Variants in HS6ST3 observed in about 807,000 individuals in gnomAD.
The protein encoded by HS6ST3 is heparan sulfate 6-O-sulfotransferase 3.
A neutral mutation model predicts 36.7 loss-of-function variants in HS6ST3; 12 were observed. The observed-to-expected ratio is 0.33, with a 90% CI of 0.21 to 0.53. The LOEUF is 0.53. Among genes scored for constraint, HS6ST3 ranks in the 20% least tolerant of loss-of-function variants. HS6ST3 has a pLI of 0.95. For missense variants in HS6ST3, 584 were observed against 640.9 expected, an observed-to-expected ratio of 0.91 and a Z score of 0.96; for synonymous variants, 240 against 257.5, an observed-to-expected ratio of 0.93 and a Z score of 0.65.
intron 1 of HS6ST3, among the ~76,000 whole-genome samples, chr13:96,255,116 A>G (rs572548287): frequency 1.9e-4 from 29 of 152,342 alleles, no homozygotes; most frequent in Non-Finnish European, 3.8e-4. Flanking sequence ...AGTAATTAGT[A>G]TCTGTTACCT....
intron 1 of HS6ST3, among the ~76,000 whole-genome samples, chr13:96,151,235 C>T (rs1228670879): frequency 6.6e-6 from 1 of 152,086 alleles, no homozygotes; most frequent in Non-Finnish European, 1.5e-5. Flanking sequence ...GAAACCCCAT[C>T]CCTACTATAA....
intron 1 of HS6ST3, among the ~76,000 whole-genome samples, chr13:96,095,070 A>G (rs1594674047): frequency 6.6e-6 from 1 of 152,306 alleles, no homozygotes; most frequent in South Asian, 2.1e-4. Flanking sequence ...CACATTTTTC[A>G]TGGGGAATGT....
rs187798595 is a variant in HS6ST3, at chr13:96,704,485, A to G, written c.708-128005A>G. On this transcript the variant is annotated intron_variant, in intron 1 of 1. Coordinates refer to ENST00000376705, the MANE Select transcript of HS6ST3 (RefSeq NM_153456.4). ...TTGTAGATTAATAAATTATGATTTG[A>G]TGAGGAACAAAGATCAGAAATCAAG... is the stretch of plus-strand genomic sequence containing the variant. Among the ~76,000 whole-genome samples the G allele has an allele frequency of 2.2e-4, 34 of 152,364 alleles. No individual in the cohort carries two copies. The East Asian group carries it at 6.4e-3, about 29-fold the overall frequency.
intron 1 of HS6ST3, among the ~76,000 whole-genome samples, chr13:96,402,646 T>C (rs2055457578): frequency 6.6e-6 from 1 of 152,262 alleles, no homozygotes; most frequent in South Asian, 2.1e-4. Context: ...CCTGCTGTAG[T>C]AGAGCTTCAG....
At chr13:96,552,259 CT>C in intron 1 of HS6ST3, among the ~76,000 whole-genome samples, 1 of 152,188 alleles carries the variant, frequency 6.6e-6, no homozygotes, top group African/African-American at 2.4e-5. Context: ...TTCTGAAGCT[CT>C]TTTGTATTTT....
rs537839404 is a variant in HS6ST3 at position 96,317,326 on chromosome 13, T to TTA, written c.707+225798_707+225799dup. On this transcript the variant is annotated intron_variant, in intron 1 of 1. Transcript: ENST00000376705. ...CTTTTTATGGCTGTGTAGTATTCCA[T>TTA]TATATATATATATATATATATATAT... Among the ~76,000 whole-genome samples the TTA allele has an allele frequency of 3.3e-3, 321 of 96,752 alleles. 1 individual carries two copies. The highest frequency in any genetic ancestry group is 4.4e-3 in the Non-Finnish European group (214 of 48,216). The allele number at this position is 96,752 out of a possible 152,430, so 63.5% of individuals were successfully genotyped here. A position where few individuals can be genotyped will look rare whatever the true frequency, so the allele number is the denominator to read the frequency against.
intron 1 of HS6ST3, among the ~76,000 whole-genome samples, chr13:96,568,550 C>A (rs1386942226): frequency 6.6e-6 from 1 of 152,152 alleles, no homozygotes; most frequent in Non-Finnish European, 1.5e-5. Flanking sequence ...AGCCACCACG[C>A]CTGGCCAGCT....
At chr13:96,236,282 G>A (rs977461708) in intron 1 of HS6ST3, among the ~76,000 whole-genome samples, 5 of 152,170 alleles carry the variant, frequency 3.3e-5, no homozygotes, top group African/African-American at 7.2e-5. Flanking sequence ...AGCAACACCC[G>A]CACAGACGCA....
At chr13:96,548,276 G>T (rs141761090) in intron 1 of HS6ST3, among the ~76,000 whole-genome samples, 1 of 152,032 alleles carries the variant, frequency 6.6e-6, no homozygotes, top group African/African-American at 2.4e-5. Context: ...ACATCCAGAC[G>T]CACCTTGCTT....
intron 1 of HS6ST3, among the ~76,000 whole-genome samples, chr13:96,439,812 A>T (rs964912795): frequency 6.6e-6 from 1 of 152,212 alleles, no homozygotes; most frequent in African/African-American, 2.4e-5. Flanking sequence ...AGAATAGAAG[A>T]TTGTGAATAG....
At chr13:96,338,139 G>T (rs796605352) in intron 1 of HS6ST3, among the ~76,000 whole-genome samples, 1 of 151,318 alleles carries the variant, frequency 6.6e-6, no homozygotes, top group African/African-American at 2.4e-5. Flanking sequence ...TGACTACTTT[G>T]GTCCTCAGAT....
chr13:96,323,473 A>T (rs1197291597), intron 1 of HS6ST3, among the ~76,000 whole-genome samples: 1 of 152,114 alleles, frequency 6.6e-6, no homozygotes, highest in Non-Finnish European at 1.5e-5. Flanking sequence ...TGCCCTCTTG[A>T]CTTTCACCTT....
chr13:96,708,026 C>G (rs966833596), intron 1 of HS6ST3, among the ~76,000 whole-genome samples: 2 of 152,108 alleles, frequency 1.3e-5, no homozygotes, highest in African/African-American at 4.8e-5. Flanking sequence ...TAAGGACATT[C>G]CAGATAGGCT....
At chr13:96,415,420 G>A (rs536648522) in intron 1 of HS6ST3, among the ~76,000 whole-genome samples, 11 of 152,256 alleles carry the variant, frequency 7.2e-5, no homozygotes, top group South Asian at 2.1e-4. Context: ...GCTAAGCTAC[G>A]ACAATTTTCA....
intron 1 of HS6ST3, among the ~76,000 whole-genome samples, chr13:96,382,140 G>A (rs1200290345): frequency 6.6e-6 from 1 of 152,130 alleles, no homozygotes; most frequent in Non-Finnish European, 1.5e-5. Context: ...GTGATAAGGA[G>A]GGTTGTTTTG....
At chr13:96,797,634 T>G (rs1877946614) in intron 1 of HS6ST3, among the ~76,000 whole-genome samples, 1 of 152,126 alleles carries the variant, frequency 6.6e-6, no homozygotes, top group Admixed American at 6.6e-5. Flanking sequence ...AATTAATGGT[T>G]CTTTTTTAAA....
chr13:96,458,592 G>A (rs1369890393), intron 1 of HS6ST3, among the ~76,000 whole-genome samples: 1 of 149,574 alleles, frequency 6.7e-6, no homozygotes, highest in African/African-American at 2.5e-5. Flanking sequence ...GGTTCTAAGG[G>A]ACTGTCCTGC....
intron 1 of HS6ST3, among the ~76,000 whole-genome samples, chr13:96,099,075 CT>C (rs2139293778): frequency 6.6e-6 from 1 of 152,124 alleles, no homozygotes; most frequent in African/African-American, 2.4e-5. Context: ...TCCCGAGTAG[CT>C]GGGATTAAAG....
chr13:96,178,753 TTTC>T (rs1198221591), intron 1 of HS6ST3, among the ~76,000 whole-genome samples: 1 of 152,074 alleles, frequency 6.6e-6, no homozygotes, highest in African/African-American at 2.4e-5. Context: ...GACAGGAATG[TTTC>T]TTCATAGATG....
Sources: allele counts gnomAD v4.1 joint callset (sites outside exome capture counted in the v4.1 genomes callset), GRCh38; gene constraint gnomAD v4.1.1; transcripts MANE v1.5; gene names NCBI Gene and HGNC (gene_info 2026-07-23, HGNC 2026-07-21).